The following CABLES2 variants were observed in gnomAD, a reference collection of about 807,000 sequenced individuals.
CABLES2 encodes the protein Cdk5 and Abl enzyme substrate 2.
CABLES2 carries 35 observed loss-of-function variants against 44.8 expected under a neutral mutation model. That is an observed-to-expected ratio of 0.78 (90% confidence interval 0.60 to 1.04). CABLES2 has a LOEUF of 1.04. Ranked by LOEUF, CABLES2 falls within the 50% of genes least tolerant of loss-of-function variation. The pLI is 0.00. For missense variants in CABLES2, 566 were observed against 615.7 expected, an observed-to-expected ratio of 0.92 and a Z score of 0.85; for synonymous variants, 282 against 281.1, an observed-to-expected ratio of 1.00 and a Z score of -0.03.
chr20:62,390,840 C>T lies in CABLES2; in HGVS notation c.*131G>A, dbSNP rs116729871. 1,052 of 1,062,602 alleles carry T rather than the reference C, an allele frequency of 9.9e-4. 13 individuals are homozygous for T. The African/African-American group carries it at 0.015, about 15-fold the overall frequency. 65.8% of individuals were successfully genotyped at this position (1,062,602 alleles called of 1,614,324 possible). On this transcript the variant is annotated 3_prime_UTR_variant, in exon 10 of 10. Transcript: ENST00000279101. ...CAAAGAGGCAAAAAGGAAAGCTGCACCAGCGGAGGCCAGGTGCCTCCTGCT... is the reference window on the plus strand; with the variant it reads ...CAAAGAGGCAAAAAGGAAAGCTGCATCAGCGGAGGCCAGGTGCCTCCTGCT...
In CABLES2 at chr20:62,401,293, C is replaced by T. The variant is rs138285809; in HGVS notation, c.363-4701G>A. Reference sequence around the variant, plus strand: ...CCAAGTGGGGAGGACGCCGCTTTGGCCTTCCCTTCCCCTCTGCCTCCACGG... The same window carrying T: ...CCAAGTGGGGAGGACGCCGCTTTGGTCTTCCCTTCCCCTCTGCCTCCACGG... On this transcript the variant is annotated intron_variant, in intron 1 of 9. Transcript: ENST00000279101. 4.3e-3 allele frequency among the ~76,000 whole-genome samples: 657 copies of T among 152,346 alleles called. 3 individuals are homozygous for T. The highest frequency in any genetic ancestry group is 9.9e-3 in the South Asian group (48 of 4,832).
At chr20:62,393,118 C>T (rs1312148158) in intron 6 of CABLES2, 95 bp from the exon 7 acceptor site, 12 of 1,108,826 alleles carry the variant, frequency 1.1e-5, no homozygotes, top group African/African-American at 1.5e-5. Flanking sequence ...GGGGCAAGGC[C>T]GAGCAGGGGA....
At chr20:62,392,858 A>T (rs2146418660) in intron 7 of CABLES2, 62 bp downstream of exon 7, 1 of 1,467,912 alleles carries the variant, frequency 6.8e-7, no homozygotes, top group East Asian at 2.3e-5. Flanking sequence ...CCTGCCCCAC[A>T]CGCCCCGAGC....
At chr20:62,393,115 G>T in intron 6 of CABLES2, 92 bp from the exon 7 acceptor site, 1 of 1,118,698 alleles carries the variant, frequency 8.9e-7, no homozygotes, top group Non-Finnish European at 1.3e-6. Context: ...GGCGGGGCAA[G>T]GCCGAGCAGG....
Position 62,388,837 on chromosome 20 carries a change from T to C in CABLES2, c.*2134A>G, listed in dbSNP as rs1365692525. ...CCTTAGCTCCGACACCTGGATGTGT[T>C]CTAGAGAATGACAGGCTGAGACTGT... On this transcript the variant is annotated 3_prime_UTR_variant, in exon 10 of 10. Coordinates refer to ENST00000279101, the MANE Select transcript of CABLES2 (RefSeq NM_031215.3). The C allele has an allele frequency of 1.0e-5, 3 of 287,684 alleles. No homozygotes were observed. Among genetic ancestry groups the C allele is most frequent in the Non-Finnish European group, 1.3e-5 (2 of 151,460 alleles). The allele number at this position is 287,684 out of a possible 1,614,324, so 17.8% of individuals were successfully genotyped here.
chr20:62,394,827 GCCGCA>G (rs1417981687), intron 4 of CABLES2, 105 bp downstream of exon 4: 23 of 954,342 alleles, frequency 2.4e-5, no homozygotes, highest in Non-Finnish European at 3.4e-5. Context: ...CCCGGGGGCA[GCCGCA>G]CCTGGGGGCG....
In CABLES2 at chr20:62,391,517, T is replaced by C. The variant is rs543924380; in HGVS notation, c.1092-64A>G. On this transcript the variant is annotated intron_variant, in intron 8 of 9. Coordinates refer to ENST00000279101, the MANE Select transcript of CABLES2 (RefSeq NM_031215.3). This position sits in a 1 kb window ranked among gnomAD's most constrained non-coding sequence, Gnocchi z 5.7. The stretch of plus-strand genomic sequence containing the variant: ...GGCTGGGGCTGAGGAGGCAGCCCCC[T>C]GCCACCACCAACCGAGGCTGGAGCG... 34 of 1,520,210 alleles carry C rather than the reference T, an allele frequency of 2.2e-5. 1 individual carries two copies. The East Asian group carries it at 7.5e-4, about 33-fold the overall frequency. 94.2% of individuals were successfully genotyped at this position (1,520,210 alleles called of 1,614,324 possible).
chr20:62,392,596 A>C, intron 7 of CABLES2, 101 bp from the exon 8 acceptor site: 1 of 885,028 alleles, frequency 1.1e-6, no homozygotes, highest in Admixed American at 1.9e-5. Flanking sequence ...GTTTGCAAAC[A>C]TGCATACGGT....
chr20:62,389,696 C>T lies in CABLES2; in HGVS notation c.*1275G>A, dbSNP rs1259526776. On this transcript the variant is annotated 3_prime_UTR_variant, in exon 10 of 10. Coordinates refer to ENST00000279101, the MANE Select transcript of CABLES2 (RefSeq NM_031215.3). The stretch of plus-strand genomic sequence containing the variant: ...GGCCAGTTTTGAGACCAGCTGACCC[C>T]CCATGAAGAAAAACTCAGCAGTCCT... 6.6e-6 allele frequency: 1 copy of T among 152,226 alleles called. No individual in the cohort carries two copies. Among genetic ancestry groups the T allele is most frequent in the African/African-American group, 2.4e-5 (1 of 41,450 alleles). 9.4% of individuals were successfully genotyped at this position (152,226 alleles called of 1,614,324 possible). A position where few individuals can be genotyped will look rare whatever the true frequency, so the allele number is the denominator to read the frequency against.
Position 62,389,833 on chromosome 20 carries a change from C to T in CABLES2, c.*1138G>A, listed in dbSNP as rs1232203793. 5 of 152,254 alleles carry T rather than the reference C, an allele frequency of 3.3e-5. No individual in the cohort carries two copies. The highest frequency in any genetic ancestry group is 1.2e-4 in the African/African-American group (5 of 41,468). The allele number at this position is 152,254 out of a possible 1,614,324, so 9.4% of individuals were successfully genotyped here. A position where few individuals can be genotyped will look rare whatever the true frequency, so the allele number is the denominator to read the frequency against. On this transcript the variant is annotated 3_prime_UTR_variant, in exon 10 of 10. Transcript: ENST00000279101. Reference sequence around the variant, plus strand: ...AAACTAGAGATGGGGCCCTGCTGGCCTGCACAGAAGGGACAACGACCACCA... The same window carrying T: ...AAACTAGAGATGGGGCCCTGCTGGCTTGCACAGAAGGGACAACGACCACCA...
intron 7 of CABLES2, 109 bp downstream of exon 7, chr20:62,392,811 G>A: frequency 3.1e-6 from 3 of 964,654 alleles, no homozygotes; most frequent in South Asian, 2.8e-5. Context: ...ATCCGGGATG[G>A]GGGCACGTCA....
chr20:62,396,381 C>T lies in CABLES2; in HGVS notation c.461G>A (p.Arg154Lys). 1 of 1,614,084 alleles carries T rather than the reference C, an allele frequency of 6.2e-7. No individual in the cohort carries two copies. Among genetic ancestry groups the T allele is most frequent in the Non-Finnish European group, 8.5e-7 (1 of 1,180,004 alleles). The change falls in exon 3 of 10, where the codon AGA (arginine) becomes AAA (lysine). Residue 154 changes from arginine (R) to lysine (K), a missense_variant. By Grantham distance (26) the Arg-to-Lys change is conservative. Around this residue, in one of 2 missense-constraint regions of CABLES2, gnomAD observed 436 missense variants for 536.3 expected, o/e 0.81. Coordinates refer to ENST00000279101, the MANE Select transcript of CABLES2 (RefSeq NM_031215.3). This position sits in a 1 kb window ranked among gnomAD's most constrained non-coding sequence, Gnocchi z 5.7. Reference sequence around the variant, plus strand: ...GTGGGTCTTCTTCAGGCCTTTATGTCTCGGTGATCCAGATGTGTGTTTGGT... The same window carrying T: ...GTGGGTCTTCTTCAGGCCTTTATGTTTCGGTGATCCAGATGTGTGTTTGGT... Reference protein sequence around the residue: ...QRTKHTSGSPRHKGLKKTHFI... With the variant: ...QRTKHTSGSPKHKGLKKTHFI...
chr20:62,392,642 T>C, intron 7 of CABLES2, 147 bp from the exon 8 acceptor site: 1 of 687,496 alleles, frequency 1.5e-6, no homozygotes, highest in Non-Finnish European at 2.5e-6. Context: ...GAGAACAAAA[T>C]GGCTCAAGAG....
At chr20:62,403,054 A>C (rs1014425942) in intron 1 of CABLES2, 2 of 152,254 alleles carry the variant, frequency 1.3e-5, no homozygotes, top group Non-Finnish European at 2.9e-5. Context: ...GCATCTCGGC[A>C]CACACCCTCC....
rs774897866 is a variant in CABLES2 at position 62,391,036 on chromosome 20, G to A, written c.1372C>T (p.Leu458=). Residue 458 remains leucine, a synonymous_variant, in exon 10 of 10, where the codon CTG becomes TTG. Transcript: ENST00000279101. The surrounding 1 kb of genome is among the most constrained non-coding windows in gnomAD (Gnocchi z 5.7). The stretch of plus-strand genomic sequence containing the variant: ...TGGTTCTCGGGAAGATACAGGGCCA[G>A]CTCCAAGGCCACGAGCACTGTGAAC... The part of the protein sequence containing the change: ...FEFTVLVALE[L]ALYLPENQVL... 1 of 1,614,140 alleles carries A rather than the reference G, an allele frequency of 6.2e-7. No homozygotes were observed. The highest frequency in any genetic ancestry group is 1.7e-5 in the Admixed American group (1 of 60,026).
At position 62,390,768 on chromosome 20, in the gene CABLES2, G is replaced by T; in HGVS notation, c.*203C>A. On this transcript the variant is annotated 3_prime_UTR_variant, in exon 10 of 10. Transcript: ENST00000279101. ...GAATTCTCAGAAATCCCCTCGGAGG[G>T]ACGGTGCACTTGGGGATGAAAGCGA... 1 of 592,212 alleles carries T rather than the reference G, an allele frequency of 1.7e-6. No homozygotes were observed. The highest frequency in any genetic ancestry group is 3.0e-6 in the Non-Finnish European group (1 of 334,116). 36.7% of individuals were successfully genotyped at this position (592,212 alleles called of 1,614,324 possible). A position where few individuals can be genotyped will look rare whatever the true frequency, so the allele number is the denominator to read the frequency against.
At chr20:62,397,947 ACGG>A (rs1988057583) in intron 1 of CABLES2, among the ~76,000 whole-genome samples, 1 of 7,220 alleles carries the variant, frequency 1.4e-4, no homozygotes, top group African/African-American at 6.1e-4. Context: ...GATGGTGGTG[ACGG>A]TAGTGGTGGT....
chr20:62,406,470 C>T (rs1016589270), intron 1 of CABLES2, among the ~76,000 whole-genome samples: 5 of 152,010 alleles, frequency 3.3e-5, no homozygotes, highest in South Asian at 2.1e-4. Flanking sequence ...GCACTGACAA[C>T]GTGGAGATCC....
Position 62,391,925 on chromosome 20 carries a change from C to T in CABLES2, c.1091+464G>A, listed in dbSNP as rs1044293714. Among the ~76,000 whole-genome samples the T allele has an allele frequency of 1.3e-5, 2 of 152,020 alleles. No individual in the cohort carries two copies. Among genetic ancestry groups the T allele is most frequent in the African/African-American group, 4.8e-5 (2 of 41,398 alleles). On this transcript the variant is annotated intron_variant, in intron 8 of 9. Coordinates refer to ENST00000279101, the MANE Select transcript of CABLES2 (RefSeq NM_031215.3). The surrounding 1 kb of genome is among the most constrained non-coding windows in gnomAD (Gnocchi z 5.7). Reference sequence around the variant, plus strand: ...CCCAGCAGTTCCGCCGCCTTCTGCTCGCTTTCCTCCGGTCATGGGTCATCA... The same window carrying T: ...CCCAGCAGTTCCGCCGCCTTCTGCTTGCTTTCCTCCGGTCATGGGTCATCA...
Sources: gnomAD v4.1 joint callset for allele counts (sites outside exome capture counted in the v4.1 genomes callset) on GRCh38, gnomAD v4.1.1 for gene constraint, gnomAD v4.1.1 regional missense constraint, Gnocchi (gnomAD v3.1) non-coding constraint, MANE v1.5 for transcripts, NCBI Gene and HGNC (gene_info 2026-07-23, HGNC 2026-07-21) for gene names.